The following APOM variants were observed in gnomAD, a reference collection of about 807,000 sequenced individuals.
The protein encoded by APOM is NG20-like protein.
APOM carries 24 observed loss-of-function variants against 23.5 expected under a neutral mutation model. The observed-to-expected ratio is 1.02, with a 90% confidence interval of 0.74 to 1.44. The LOEUF (loss-of-function observed/expected upper bound fraction) is 1.44. Among genes scored for constraint, APOM ranks in the 40% most tolerant of loss-of-function variants. The pLI is 0.00. For synonymous variants in APOM, 82 were observed against 84.1 expected, an observed-to-expected ratio of 0.97 and a Z score of 0.14; for missense variants, 200 against 233.2, an observed-to-expected ratio of 0.86 and a Z score of 0.93.
At chr6:31,653,742 C>T (rs988226365), upstream of APOM, among the ~76,000 whole-genome samples, 1 of 152,032 alleles carries the variant, frequency 6.6e-6, no homozygotes, top group Non-Finnish European at 1.5e-5. Context: ...AGTGCAGTGG[C>T]GCAATCACAA....
chr6:31,657,954 C>T (rs1800318662), intron 5 of APOM, 110 bp from the exon 6 acceptor site: 2 of 1,222,048 alleles, frequency 1.6e-6, no homozygotes, highest in Admixed American at 1.8e-5. Flanking sequence ...AGAGACTCCC[C>T]TTTGACACAG....
upstream of APOM, chr6:31,655,449 T>C (rs1799941025): frequency 6.5e-6 from 1 of 152,862 alleles, no homozygotes; most frequent in African/African-American, 2.4e-5. Context: ...ATTTACCAAG[T>C]TGTATTGCAA....
At chr6:31,655,393 A>G (rs1799935656), upstream of APOM, 1 of 152,376 alleles carries the variant, frequency 6.6e-6, no homozygotes. Flanking sequence ...AACTAAAGAG[A>G]GCAATCCACC....
Position 31,657,307 on chromosome 6 carries a change from T to C in APOM, c.343+9T>C. 6.2e-7 allele frequency: 1 copy of C among 1,613,128 alleles called. No homozygotes were observed. On this transcript the variant is annotated intron_variant, in intron 3 of 5. Coordinates refer to ENST00000375916, the MANE Select transcript of APOM (RefSeq NM_019101.3). ...AGATCTCAGAACTGAAGGTTGGTTCTTCCCAGCCCTCACCCTCCCTTGAGT... is the reference window on the plus strand; with the variant it reads ...AGATCTCAGAACTGAAGGTTGGTTCCTCCCAGCCCTCACCCTCCCTTGAGT...
intron 2 of APOM, among the ~76,000 whole-genome samples, chr6:31,656,858 C>A (rs1364111873): frequency 6.6e-6 from 1 of 152,062 alleles, no homozygotes; most frequent in African/African-American, 2.4e-5. Context: ...AAATAGAAGC[C>A]GGGACAGGCC....
chr6:31,656,625 A>C lies in APOM; in HGVS notation c.268A>C (p.Met90Leu), dbSNP rs768586918. 1.2e-6 allele frequency: 2 copies of C among 1,613,574 alleles called. No individual in the cohort carries two copies. Among genetic ancestry groups the C allele is most frequent in the Non-Finnish European group, 1.7e-6 (2 of 1,179,734 alleles). The change falls in exon 2 of 6, where the codon ATG becomes CTG. Residue 90 changes from methionine to leucine, a missense_variant and splice_region_variant. Transcript: ENST00000375916. ...MQLHLRATIRMKDGLCVPRKW... is the reference protein window; with the variant it reads ...MQLHLRATIRLKDGLCVPRKW... ...GCTCCACCTTCGTGCTACCATCCGCATGTGAGTGGTAAGGAGGCAGAAGCA... is the reference window on the plus strand; with the variant it reads ...GCTCCACCTTCGTGCTACCATCCGCCTGTGAGTGGTAAGGAGGCAGAAGCA...
rs376335612 is a variant in APOM, at chr6:31,656,645, G to A, written c.269+19G>A. On this transcript the variant is annotated intron_variant, in intron 2 of 5. Transcript: ENST00000375916. ...TCCGCATGTGAGTGGTAAGGAGGCA[G>A]AAGCATCACTGGGTTCAGTCTCTGC... 1.2e-4 allele frequency: 196 copies of A among 1,611,014 alleles called. 1 individual carries two copies. In the African/African-American group the frequency reaches 2.6e-3, roughly 21 times the overall value.
At chr6:31,657,835 A>G in intron 5 of APOM, 112 bp downstream of exon 5, 1 of 1,103,828 alleles carries the variant, frequency 9.1e-7, no homozygotes, top group Non-Finnish European at 1.4e-6. Flanking sequence ...AAGAGCTGTG[A>G]TGTCACCTGA....
chr6:31,657,063 G>A (rs977439499), intron 2 of APOM, among the ~76,000 whole-genome samples, 162 bp from the exon 3 acceptor site: 2 of 151,832 alleles, frequency 1.3e-5, no homozygotes, highest in East Asian at 1.9e-4. Context: ...GGAGAATGGC[G>A]TGAACCCGGG....
At chr6:31,654,329 G>GT (rs1228252448), upstream of APOM, among the ~76,000 whole-genome samples, 2 of 151,572 alleles carry the variant, frequency 1.3e-5, no homozygotes, top group Non-Finnish European at 2.9e-5. Flanking sequence ...CCCAAATTTT[G>GT]TTTGTTTTTT....
Position 31,656,528 on chromosome 6 carries a change from G to C in APOM, c.171G>C (p.Lys57Asn). The C allele has an allele frequency of 6.2e-7, 1 of 1,614,168 alleles. No homozygotes were observed. The highest frequency in any genetic ancestry group is 8.5e-7 in the Non-Finnish European group (1 of 1,180,030). ...WYFIAGAAPT[K>N]EELATFDPVD... Reference sequence around the variant, plus strand: ...TTATCGCAGGGGCAGCTCCCACCAAGGAGGAGTTGGCAACTTTTGACCCTG... The same window carrying C: ...TTATCGCAGGGGCAGCTCCCACCAACGAGGAGTTGGCAACTTTTGACCCTG... Residue 57 changes from lysine (K) to asparagine (N), a missense_variant, in exon 2 of 6, where the codon AAG becomes AAC. Physicochemically the swap from Lys to Asn is moderately conservative, Grantham distance 94. Coordinates refer to ENST00000375916, the MANE Select transcript of APOM (RefSeq NM_019101.3).
At chr6:31,652,977 C>G (rs549056865), upstream of APOM, among the ~76,000 whole-genome samples, 1 of 152,174 alleles carries the variant, frequency 6.6e-6, no homozygotes, top group Non-Finnish European at 1.5e-5. Flanking sequence ...TGCGCCCTTT[C>G]TTCTGTGCCT....
At chr6:31,657,852 C>A in intron 5 of APOM, 129 bp downstream of exon 5, 1 of 1,018,394 alleles carries the variant, frequency 9.8e-7, no homozygotes. Flanking sequence ...CTGAGGGAGG[C>A]AGGATGGGTT....
At chr6:31,657,970 G>T in intron 5 of APOM, 94 bp from the exon 6 acceptor site, 2 of 1,327,284 alleles carry the variant, frequency 1.5e-6, no homozygotes, top group East Asian at 2.3e-5. Flanking sequence ...CACAGGGAAT[G>T]AAAGAACACG....
rs546213600 is a variant in APOM, at chr6:31,656,349, A to G, written c.115-123A>G. The G allele has an allele frequency of 1.5e-4, 157 of 1,071,490 alleles. No homozygotes were observed. In the African/African-American group the frequency reaches 2.4e-3, roughly 16 times the overall value. The allele number at this position is 1,071,490 out of a possible 1,614,324, so 66.4% of individuals were successfully genotyped here. ...ACTCTTTGTCATGGATCCAATCCCC[A>G]GTTGGAAAGAGGAAGGCAGCCAACA... On this transcript the variant is annotated intron_variant, in intron 1 of 5. Coordinates refer to ENST00000375916, the MANE Select transcript of APOM (RefSeq NM_019101.3).
At chr6:31,653,006 G>C (rs1395948021), upstream of APOM, among the ~76,000 whole-genome samples, 1 of 152,118 alleles carries the variant, frequency 6.6e-6, no homozygotes, top group Non-Finnish European at 1.5e-5. Flanking sequence ...TACTCTTTCA[G>C]TAGGCGTTTG....
intron 1 of APOM, among the ~76,000 whole-genome samples, 188 bp downstream of exon 1, chr6:31,656,268 G>A (rs1175866000): frequency 2.0e-5 from 3 of 152,040 alleles, no homozygotes; most frequent in Non-Finnish European, 2.9e-5. Flanking sequence ...GAATTGGGGG[G>A]TGGGGTGGTT....
chr6:31,658,133 G>C lies in APOM; in HGVS notation c.*44G>C. The C allele has an allele frequency of 6.2e-7, 1 of 1,605,952 alleles. No individual in the cohort carries two copies. The highest frequency in any genetic ancestry group is 8.5e-7 in the Non-Finnish European group (1 of 1,172,670). On this transcript the variant is annotated 3_prime_UTR_variant, in exon 6 of 6. Transcript: ENST00000375916. ...TCCCCAGATGGGTACAATGGGAGCT[G>C]AGTTGTTGGAGGGAGAAGCTGGAGA... is the stretch of plus-strand genomic sequence containing the variant.
chr6:31,655,234 C>T (rs986429234), upstream of APOM, among the ~76,000 whole-genome samples: 6 of 152,178 alleles, frequency 3.9e-5, no homozygotes, highest in East Asian at 5.8e-4. Flanking sequence ...AGCTACCTGC[C>T]CTGCCTGTAG....
Sources: gnomAD v4.1 joint callset for allele counts (sites outside exome capture counted in the v4.1 genomes callset) on GRCh38, gnomAD v4.1.1 for gene constraint, MANE v1.5 for transcripts, NCBI Gene and HGNC (gene_info 2026-07-23, HGNC 2026-07-21) for gene names.